Variants in MCM2 observed in about 807,000 individuals in gnomAD.
MCM2 encodes the protein minichromosome maintenance complex component 2, also known as DNA replication licensing factor MCM2.
In MCM2, 49 loss-of-function variants were observed where a neutral mutation model predicts 86.4. The ratio of observed to expected loss-of-function variants is 0.57; its 90% CI spans 0.45 to 0.72. MCM2 has a LOEUF of 0.72. Among genes scored for constraint, MCM2 ranks in the 30% least tolerant of loss-of-function variants. The probability of loss-of-function intolerance (pLI) is 0.00; values close to 1 mark genes in which losing one functional copy is unlikely to be tolerated. For synonymous variants in MCM2, 475 were observed against 484.6 expected (o/e 0.98, Z 0.26); for missense variants, 1,038 against 1,259.9 (o/e 0.82, Z 2.67).
In MCM2 at chr3:127,617,413, A is replaced by G; in HGVS notation, c.1900+8A>G. 6.2e-7 allele frequency: 1 copy of G among 1,612,424 alleles called. No individual in the cohort carries two copies. Among genetic ancestry groups the G allele is most frequent in the Non-Finnish European group, 8.5e-7 (1 of 1,179,344 alleles). On this transcript the variant is annotated splice_region_variant and intron_variant, in intron 11 of 15. Coordinates refer to ENST00000265056, the MANE Select transcript of MCM2 (RefSeq NM_004526.4). The surrounding 1 kb of genome is among the most constrained non-coding windows in gnomAD (Gnocchi z 4.1). ...CTGCCGCCAACCCCATAGGTGCAGC[A>G]GGCACCCTGACTGCTGGGGCTGGGG... is the stretch of plus-strand genomic sequence containing the variant.
intron 13 of MCM2, among the ~76,000 whole-genome samples, chr3:127,619,869 G>T (rs928225254): frequency 3.3e-5 from 5 of 151,942 alleles, no homozygotes; most frequent in African/African-American, 1.2e-4. Context: ...TGTAGTCCCA[G>T]CTACTCAGGA....
Position 127,608,233 on chromosome 3 carries a change from G to C in MCM2, c.1102-149G>C. On this transcript the variant is annotated intron_variant, in intron 6 of 15. Transcript: ENST00000265056. ...AGTGGGGACTGTCAACTGATGTGCTGAGTCGCCATGAACTCATTCCTTGCT... is the reference window on the plus strand; with the variant it reads ...AGTGGGGACTGTCAACTGATGTGCTCAGTCGCCATGAACTCATTCCTTGCT... The C allele has an allele frequency of 1.1e-5, 10 of 949,760 alleles. No homozygotes were observed. In the South Asian group the frequency reaches 1.5e-4, roughly 15 times the overall value. 58.8% of individuals were successfully genotyped at this position (949,760 alleles called of 1,614,324 possible). A position where few individuals can be genotyped will look rare whatever the true frequency, so the allele number is the denominator to read the frequency against.
chr3:127,617,202 G>C lies in MCM2; in HGVS notation c.1774-77G>C, dbSNP rs1052947748. On this transcript the variant is annotated intron_variant, in intron 10 of 15. Transcript: ENST00000265056. The surrounding 1 kb of genome is among the most constrained non-coding windows in gnomAD (Gnocchi z 4.1). ...TTAGCGACGGGAATGGTGTTAATGG[G>C]GTCCATTGGGACCTCATCGGAGACT... 14 of 1,605,462 alleles carry C rather than the reference G, an allele frequency of 8.7e-6. No individual in the cohort carries two copies. In the African/African-American group the frequency reaches 1.7e-4, roughly 20 times the overall value.
rs1394644673 is a variant in MCM2 at position 127,606,838 on chromosome 3, TGCTGCCA to T, written c.1101+26_1101+32del. 4.3e-6 allele frequency: 7 copies of T among 1,611,978 alleles called. No individual in the cohort carries two copies. Among genetic ancestry groups the T allele is most frequent in the Admixed American group, 1.7e-5 (1 of 60,008 alleles). The stretch of plus-strand genomic sequence containing the variant: ...AGGAGGTGAGAGAGGACACAAGGTC[TGCTGCCA>T]GCTGTCCTTAGGGGTGCCCAGTATG... On this transcript the variant is annotated intron_variant, in intron 6 of 15. Transcript: ENST00000265056. The surrounding 1 kb of genome is among the most constrained non-coding windows in gnomAD (Gnocchi z 4.2).
At chr3:127,603,353 A>C (rs2074319060) in intron 2 of MCM2, among the ~76,000 whole-genome samples, 1 of 127,876 alleles carries the variant, frequency 7.8e-6, no homozygotes, top group Non-Finnish European at 1.7e-5. Context: ...ACGGAGTTTC[A>C]CTCTTGTTGC....
chr3:127,617,590 G>C lies in MCM2; in HGVS notation c.1900+185G>C, dbSNP rs2107694931. The C allele has an allele frequency of 1.4e-6, 1 of 733,240 alleles. No individual in the cohort carries two copies. Among genetic ancestry groups the C allele is most frequent in the South Asian group, 1.9e-5 (1 of 53,120 alleles). 45.4% of individuals were successfully genotyped at this position (733,240 alleles called of 1,614,324 possible). On this transcript the variant is annotated intron_variant, in intron 11 of 15. Transcript: ENST00000265056. This position sits in a 1 kb window ranked among gnomAD's most constrained non-coding sequence, Gnocchi z 4.1. ...TGAAAGTGGGACCTGGGACACCTGG[G>C]TTTCCTGTTGAGTCATGTTCCTGGA...
chr3:127,621,450 G>T (rs1022467108), intron 15 of MCM2, among the ~76,000 whole-genome samples: 1 of 152,210 alleles, frequency 6.6e-6, no homozygotes, highest in Non-Finnish European at 1.5e-5. Context: ...CAGAGGTGGA[G>T]ACAGATACAG....
chr3:127,610,399 G>C (rs949268821), intron 8 of MCM2, among the ~76,000 whole-genome samples: 15 of 152,170 alleles, frequency 9.9e-5, no homozygotes, highest in African/African-American at 3.6e-4. Context: ...AAGGAGAGCT[G>C]TGTCCAGGCT....
rs768479679 is a variant in MCM2, at chr3:127,606,152, C to G, written c.708C>G (p.Asp236Glu). Reference sequence around the variant, plus strand: ...AGAGCCTGGTGGTGAACTATGAGGACTTGGCAGCCAGGGAGCACGTGCTGG... The same window carrying G: ...AGAGCCTGGTGGTGAACTATGAGGAGTTGGCAGCCAGGGAGCACGTGCTGG... Reference protein sequence around the residue: ...NRESLVVNYEDLAAREHVLAY... With the variant: ...NRESLVVNYEELAAREHVLAY... Residue 236 changes from aspartate to glutamate, a missense_variant, in exon 5 of 16, where the codon GAC becomes GAG. Coordinates refer to ENST00000265056, the MANE Select transcript of MCM2 (RefSeq NM_004526.4). This position sits in a 1 kb window ranked among gnomAD's most constrained non-coding sequence, Gnocchi z 4.2. 1.7e-5 allele frequency: 28 copies of G among 1,614,210 alleles called. No homozygotes were observed. The Middle Eastern group carries it at 4.9e-4, about 29-fold the overall frequency.
At chr3:127,619,400 T>TAA in intron 13 of MCM2, 122 bp downstream of exon 13, 95 of 1,066,438 alleles carry the variant, frequency 8.9e-5, no homozygotes, top group Middle Eastern at 3.5e-4. Context: ...AGGGAGGCAT[T>TAA]AAAAAAAAAA....
At chr3:127,610,260 A>G (rs2074384690) in intron 8 of MCM2, among the ~76,000 whole-genome samples, 1 of 152,132 alleles carries the variant, frequency 6.6e-6, no homozygotes, top group Non-Finnish European at 1.5e-5. Flanking sequence ...TCTTCAGTGA[A>G]CTGGGTGATT....
chr3:127,601,548 T>A, intron 2 of MCM2, among the ~76,000 whole-genome samples: 1 of 152,074 alleles, frequency 6.6e-6, no homozygotes, highest in East Asian at 1.9e-4. Context: ...TTAGTAGAGA[T>A]GCGGTTTCGG....
In MCM2 at chr3:127,608,498, C is replaced by T. The variant is rs773135916; in HGVS notation, c.1218C>T (p.Cys406=). ...TCCTCGCAGATCTGGTGGACAGCTGCAAGCCAGGAGACGAGATAGTAAGTG... is the reference window on the plus strand; with the variant it reads ...TCCTCGCAGATCTGGTGGACAGCTGTAAGCCAGGAGACGAGATAGTAAGTG... ...AILLADLVDS[C]KPGDEIELTG... The change falls in exon 7 of 16, where the codon TGC becomes TGT. Residue 406 remains cysteine, a synonymous_variant. Coordinates refer to ENST00000265056, the MANE Select transcript of MCM2 (RefSeq NM_004526.4). The T allele has an allele frequency of 1.2e-6, 2 of 1,614,208 alleles. No homozygotes were observed. The highest frequency in any genetic ancestry group is 1.3e-5 in the African/African-American group (1 of 75,048).
chr3:127,614,752 G>A (rs1325025008), intron 8 of MCM2, among the ~76,000 whole-genome samples: 2 of 152,178 alleles, frequency 1.3e-5, no homozygotes, highest in African/African-American at 2.4e-5. Context: ...AGGTTTCCAC[G>A]CTGCAGGTGT....
At position 127,618,966 on chromosome 3, in the gene MCM2, C is replaced by G; in HGVS notation, c.2014-61C>G. The G allele has an allele frequency of 1.3e-6, 2 of 1,490,544 alleles. No homozygotes were observed. The highest frequency in any genetic ancestry group is 2.4e-5 in the East Asian group (1 of 41,586). The allele number at this position is 1,490,544 out of a possible 1,614,324, so 92.3% of individuals were successfully genotyped here. On this transcript the variant is annotated intron_variant, in intron 12 of 15. Transcript: ENST00000265056. This position sits in a 1 kb window ranked among gnomAD's most constrained non-coding sequence, Gnocchi z 4.0. Reference sequence around the variant, plus strand: ...GGCACACTCAGCCCTTCTCCAGCCACTGACCTCCCCAAAGCCACGCACACC... The same window carrying G: ...GGCACACTCAGCCCTTCTCCAGCCAGTGACCTCCCCAAAGCCACGCACACC...
At chr3:127,604,536 T>C in intron 2 of MCM2, 72 bp from the exon 3 acceptor site, 1 of 1,520,394 alleles carries the variant, frequency 6.6e-7, no homozygotes, top group Non-Finnish European at 9.0e-7. Context: ...ACAGGCCCAG[T>C]TCCTGGATGG....
At position 127,616,904 on chromosome 3, in the gene MCM2, T is replaced by C. The variant is rs1030609116; in HGVS notation, c.1559T>C (p.Leu520Pro). 1.2e-6 allele frequency: 2 copies of C among 1,614,044 alleles called. No individual in the cohort carries two copies. The highest frequency in any genetic ancestry group is 1.1e-5 in the South Asian group (1 of 91,090). ...AAGGTACGTGGTGATATCAACGTGC[T>C]CTTGTGCGGAGACCCTGGCACAGCG... is the stretch of plus-strand genomic sequence containing the variant. ...KHKVRGDINV[L>P]LCGDPGTAKS... Residue 520 changes from leucine to proline, a missense_variant, in exon 10 of 16, where the codon CTC becomes CCC. This residue lies in a region of MCM2 where 399 missense variants were observed against 507.2 expected (regional missense o/e 0.79). Coordinates refer to ENST00000265056, the MANE Select transcript of MCM2 (RefSeq NM_004526.4).
chr3:127,621,105 C>A lies in MCM2; in HGVS notation c.2481C>A (p.Asp827Glu), dbSNP rs368722217. 12 of 1,614,114 alleles carry A rather than the reference C, an allele frequency of 7.4e-6. No individual in the cohort carries two copies. Among genetic ancestry groups the A allele is most frequent in the Non-Finnish European group, 1.0e-5 (12 of 1,180,054 alleles). Residue 827 changes from aspartate to glutamate, a missense_variant, in exon 15 of 16, where the codon GAC becomes GAA. Asp to Glu is a conservative substitution (Grantham distance 45). Around this residue, in one of 4 missense-constraint regions of MCM2, gnomAD observed 336 missense variants for 425.7 expected, o/e 0.79. Coordinates refer to ENST00000265056, the MANE Select transcript of MCM2 (RefSeq NM_004526.4). ...TFARYLSFRRDNNELLLFILK... is the reference protein window; with the variant it reads ...TFARYLSFRRENNELLLFILK... The stretch of plus-strand genomic sequence containing the variant: ...CCCGCTACCTTTCATTCCGGCGTGA[C>A]AACAATGAGCTGTTGCTCTTCATAC...
At chr3:127,611,776 G>A (rs1287927151) in intron 8 of MCM2, among the ~76,000 whole-genome samples, 4 of 122,174 alleles carry the variant, frequency 3.3e-5, no homozygotes, top group African/African-American at 1.4e-4. Context: ...TCGGCTCACT[G>A]CAAGCTCCGC....
Sources: allele counts gnomAD v4.1 joint callset (sites outside exome capture counted in the v4.1 genomes callset), GRCh38; gene constraint gnomAD v4.1.1; regional missense constraint gnomAD v4.1.1; non-coding constraint Gnocchi (gnomAD v3.1); transcripts MANE v1.5; gene names NCBI Gene and HGNC (gene_info 2026-07-23, HGNC 2026-07-21).